The following MYRIP variants were observed in gnomAD, a reference collection of about 807,000 sequenced individuals.
MYRIP encodes the protein myosin VIIA and Rab interacting protein, also known as rab effector MyRIP.
In MYRIP, 49 loss-of-function variants were observed where a neutral mutation model predicts 98.0. The ratio of observed to expected loss-of-function variants is 0.50; its 90% CI spans 0.40 to 0.63. The LOEUF is 0.63. Ranked by LOEUF, MYRIP falls within the 30% of genes least tolerant of loss-of-function variation. The probability of loss-of-function intolerance (pLI) is 0.00; values close to 1 mark genes in which losing one functional copy is unlikely to be tolerated. For missense variants in MYRIP, 1,004 were observed against 1,058.2 expected (o/e 0.95, Z 0.71); for synonymous variants, 404 against 409.5 (o/e 0.99, Z 0.16).
At chr3:40,248,652 T>C (rs1462968522) in intron 13 of MYRIP, among the ~76,000 whole-genome samples, 1 of 152,202 alleles carries the variant, frequency 6.6e-6, no homozygotes, top group Non-Finnish European at 1.5e-5. Context: ...ATTGACCTTG[T>C]CTTTCCCAGG....
At chr3:39,951,169 T>G (rs931167185) in intron 2 of MYRIP, among the ~76,000 whole-genome samples, 3 of 152,184 alleles carry the variant, frequency 2.0e-5, no homozygotes, top group African/African-American at 7.2e-5. Flanking sequence ...CTCACTAATT[T>G]TCAAACTTTG....
intron 2 of MYRIP, among the ~76,000 whole-genome samples, chr3:39,964,410 TTG>T (rs1296308570): frequency 2.6e-5 from 4 of 152,172 alleles, no homozygotes; most frequent in Admixed American, 2.6e-4. Flanking sequence ...CTCCTCACAA[TTG>T]TGTTTGTTAT....
chr3:39,813,843 GTGTGTAGTTTTATTA>G (rs1475332108), intron 1 of MYRIP, among the ~76,000 whole-genome samples: 1 of 152,194 alleles, frequency 6.6e-6, no homozygotes, highest in African/African-American at 2.4e-5. Flanking sequence ...GCCTACTAGA[GTGTGTAGTTTTATTA>G]TGTGTTTAAA....
chr3:39,835,611 T>C (rs550877318), intron 1 of MYRIP, among the ~76,000 whole-genome samples: 1 of 152,300 alleles, frequency 6.6e-6, no homozygotes, highest in Admixed American at 6.5e-5. Context: ...TTTTTTATTA[T>C]ACTTTAAGTT....
intron 1 of MYRIP, among the ~76,000 whole-genome samples, chr3:39,878,327 G>T (rs1943065323): frequency 6.6e-6 from 1 of 152,142 alleles, no homozygotes; most frequent in African/African-American, 2.4e-5. Flanking sequence ...CCCTGCTTCA[G>T]CTCGAGCACA....
At chr3:39,863,895 C>T (rs1942545099) in intron 1 of MYRIP, among the ~76,000 whole-genome samples, 1 of 151,938 alleles carries the variant, frequency 6.6e-6, no homozygotes, top group Non-Finnish European at 1.5e-5. Flanking sequence ...ATGCAAAAAC[C>T]CTCAAAAAAA....
chr3:39,850,097 T>C (rs899279097), intron 1 of MYRIP, among the ~76,000 whole-genome samples: 12 of 151,694 alleles, frequency 7.9e-5, no homozygotes, highest in African/African-American at 2.9e-4. Context: ...TCACAGGGAG[T>C]CGAGTAGAGG....
At chr3:40,109,347 TGA>T (rs898881864) in intron 3 of MYRIP, among the ~76,000 whole-genome samples, 2 of 152,170 alleles carry the variant, frequency 1.3e-5, no homozygotes, top group African/African-American at 4.8e-5. Flanking sequence ...TTTTAACTGA[TGA>T]GAGAGACTTA....
At chr3:39,848,935 A>G (rs1942049143) in intron 1 of MYRIP, among the ~76,000 whole-genome samples, 1 of 152,234 alleles carries the variant, frequency 6.6e-6, no homozygotes, top group African/African-American at 2.4e-5. Context: ...AAAATATGCC[A>G]TAGCATGTTC....
intron 11 of MYRIP, among the ~76,000 whole-genome samples, chr3:40,218,255 G>A (rs1477284794): frequency 2.0e-5 from 3 of 151,896 alleles, no homozygotes; most frequent in South Asian, 2.1e-4. Flanking sequence ...TGGTGAACGA[G>A]TATAAGTGCA....
chr3:39,841,244 A>G (rs1414040600), intron 1 of MYRIP, among the ~76,000 whole-genome samples: 2 of 151,800 alleles, frequency 1.3e-5, no homozygotes, highest in African/African-American at 4.8e-5. Flanking sequence ...TGCTTGATCA[A>G]TTTGGCTACA....
At chr3:39,936,040 A>G (rs1944649662) in intron 2 of MYRIP, among the ~76,000 whole-genome samples, 1 of 152,182 alleles carries the variant, frequency 6.6e-6, no homozygotes, top group African/African-American at 2.4e-5. Flanking sequence ...CCTTCCTAGG[A>G]GAGTCAAATA....
intron 12 of MYRIP, among the ~76,000 whole-genome samples, chr3:40,235,993 C>A (rs886715657): frequency 1.3e-5 from 2 of 152,196 alleles, no homozygotes; most frequent in Admixed American, 6.5e-5. Context: ...AGATTCAATA[C>A]CATTTAGTTT....
intron 8 of MYRIP, among the ~76,000 whole-genome samples, chr3:40,180,588 CT>C (rs1029794557): frequency 1.6e-4 from 25 of 152,308 alleles, no homozygotes; most frequent in African/African-American, 5.5e-4. Flanking sequence ...CGCACAGTGT[CT>C]TGAGGAACTG....
intron 2 of MYRIP, among the ~76,000 whole-genome samples, chr3:39,967,131 G>T (rs1446162467): frequency 1.3e-5 from 2 of 152,048 alleles, no homozygotes; most frequent in Non-Finnish European, 2.9e-5. Context: ...TTTATTTTAG[G>T]TTTGGCGTAT....
intron 1 of MYRIP, among the ~76,000 whole-genome samples, chr3:39,860,840 G>A (rs745793750): frequency 6.6e-6 from 1 of 152,200 alleles, no homozygotes; most frequent in Non-Finnish European, 1.5e-5. Flanking sequence ...GCATGTGTAG[G>A]CATGTATACC....
At chr3:40,218,619 TATATATATATATATATA>T (rs1952213339) in intron 11 of MYRIP, among the ~76,000 whole-genome samples, 1 of 17,558 alleles carries the variant, frequency 5.7e-5, no homozygotes, top group Non-Finnish European at 1.6e-4. Flanking sequence ...ATTTTATATA[TATATATATATATATATA>T]TATATATATA....
chr3:40,175,005 T>C (rs1950717097), intron 8 of MYRIP, among the ~76,000 whole-genome samples: 1 of 151,982 alleles, frequency 6.6e-6, no homozygotes, highest in African/African-American at 2.4e-5. Flanking sequence ...TAGCCGGGCA[T>C]GGTGGTGGGT....
intron 1 of MYRIP, among the ~76,000 whole-genome samples, chr3:39,843,402 CTT>C (rs1385248963): frequency 2.0e-5 from 3 of 152,090 alleles, no homozygotes; most frequent in Non-Finnish European, 4.4e-5. Context: ...AAAAAAGAAA[CTT>C]ATTTATTGCA....
Sources: gnomAD v4.1 joint callset for allele counts (sites outside exome capture counted in the v4.1 genomes callset) on GRCh38, gnomAD v4.1.1 for gene constraint, MANE v1.5 for transcripts, NCBI Gene and HGNC (gene_info 2026-07-23, HGNC 2026-07-21) for gene names.